CYP3A7: variants seen among roughly 807,000 people sequenced by gnomAD.
CYP3A7 encodes cytochrome P450 3A7.
CYP3A7 carries 45 observed loss-of-function variants against 55.2 expected under a neutral mutation model. The observed-to-expected ratio is 0.82, with a 90% confidence interval of 0.64 to 1.05. The LOEUF is 1.05. Ranked by LOEUF, CYP3A7 falls within the 50% of genes least tolerant of loss-of-function variation. The pLI is 0.00. For synonymous variants in CYP3A7, 180 were observed against 207.4 expected (o/e 0.87, Z 1.13); for missense variants, 548 against 605.3 (o/e 0.91, Z 0.99).
In CYP3A7 at chr7:99,720,393, G is replaced by A. The variant is rs1814152932; in HGVS notation, c.238C>T (p.Pro80Ser). The A allele has an allele frequency of 6.2e-7, 1 of 1,613,576 alleles. No individual in the cohort carries two copies. Residue 80 changes from proline (P) to serine (S), a missense_variant, in exon 4 of 13, where the codon CCT becomes TCT. Coordinates refer to ENST00000336374, the MANE Select transcript of CYP3A7 (RefSeq NM_000765.5). The stretch of plus-strand genomic sequence containing the variant: ...TCGGGATCTGTGATAGCCAGCATAG[G>A]CTGTTGACAGTCATAAATACTGTGT... ...KVWGIYDCQQPMLAITDPDMI... is the reference protein window; with the variant it reads ...KVWGIYDCQQSMLAITDPDMI...
At chr7:99,727,334 A>G (rs960123061) in intron 2 of CYP3A7, among the ~76,000 whole-genome samples, 4 of 152,178 alleles carry the variant, frequency 2.6e-5, no homozygotes, top group African/African-American at 9.7e-5. Context: ...TCAAAATCAC[A>G]AACTATGCTC....
At position 99,709,222 on chromosome 7, in the gene CYP3A7, G is replaced by A. The variant is rs1422202321; in HGVS notation, c.1066C>T (p.Leu356Phe). Residue 356 changes from leucine (L) to phenylalanine (F), a missense_variant, in exon 11 of 13, where the codon CTT (leucine) becomes TTT (phenylalanine). By Grantham distance (22) the Leu-to-Phe change is conservative. Coordinates refer to ENST00000336374, the MANE Select transcript of CYP3A7 (RefSeq NM_000765.5). ...TYDTVLQLEY[L>F]DMVVNETLRL... is the part of the protein sequence containing the mutation. ...AGTGTTTCATTCACCACCATGTCAA[G>A]ATACTCCAACTGTAGCACAGTATCA... The A allele has an allele frequency of 6.2e-7, 1 of 1,613,882 alleles. No individual in the cohort carries two copies. The highest frequency in any genetic ancestry group is 8.5e-7 in the Non-Finnish European group (1 of 1,179,910).
At chr7:99,711,405 A>G (rs1813744249) in intron 9 of CYP3A7, among the ~76,000 whole-genome samples, 1 of 152,202 alleles carries the variant, frequency 6.6e-6, no homozygotes, top group African/African-American at 2.4e-5. Context: ...TAAGAGACCA[A>G]TATTGGAATA....
chr7:99,721,742 CGT>C (rs45490295), intron 3 of CYP3A7, among the ~76,000 whole-genome samples: 11 of 151,346 alleles, frequency 7.3e-5, no homozygotes, highest in Non-Finnish European at 1.5e-4. Context: ...AATTATGACA[CGT>C]GTGTGTGTGT....
Position 99,707,902 on chromosome 7 carries a change from G to A in CYP3A7, c.1326C>T (p.Cys442=), listed in dbSNP as rs1813584469. ...YTPFGSGPRN[C]IGMRFALVNM... ...TCACGAGAGCAAACCTCATGCCAAT[G>A]CAGTTTCTGGGTCCACTTCCAAAGG... Residue 442 remains cysteine, a synonymous_variant, in exon 12 of 13, where the codon TGC becomes TGT. Coordinates refer to ENST00000336374, the MANE Select transcript of CYP3A7 (RefSeq NM_000765.5). 1 of 1,614,034 alleles carries A rather than the reference G, an allele frequency of 6.2e-7. No homozygotes were observed. The highest frequency in any genetic ancestry group is 8.5e-7 in the Non-Finnish European group (1 of 1,179,916).
intron 2 of CYP3A7, among the ~76,000 whole-genome samples, chr7:99,729,557 G>A (rs557776230): frequency 5.9e-5 from 9 of 152,296 alleles, no homozygotes; most frequent in African/African-American, 2.2e-4. Flanking sequence ...ATGGCCTGAG[G>A]CAACTGAAAA....
intron 9 of CYP3A7, among the ~76,000 whole-genome samples, chr7:99,712,343 A>G (rs1336559742): frequency 7.2e-5 from 11 of 152,194 alleles, no homozygotes; most frequent in African/African-American, 2.4e-4. Flanking sequence ...GAACCTGATG[A>G]TACTGATGTG....
At chr7:99,720,579 G>A in intron 3 of CYP3A7, 167 bp from the exon 4 acceptor site, 2 of 694,584 alleles carry the variant, frequency 2.9e-6, no homozygotes, top group Middle Eastern at 2.6e-4. Context: ...GCAAGAGTCT[G>A]ACACAGGAGC....
At chr7:99,722,177 G>T in intron 3 of CYP3A7, 119 bp downstream of exon 3, 1 of 1,253,930 alleles carries the variant, frequency 8.0e-7, no homozygotes, top group Non-Finnish European at 1.1e-6. Flanking sequence ...CTCTCTGTTT[G>T]TAGTTAGGCT....
rs1229715510 is a variant in CYP3A7, at chr7:99,720,364, C to T, written c.267G>A (p.Met89Ile). The change falls in exon 4 of 13, where the codon ATG (methionine) becomes ATA (isoleucine). Residue 89 changes from methionine to isoleucine, a missense_variant. Transcript: ENST00000336374. ...QPMLAITDPDMIKTVLVKECY... is the reference protein window; with the variant it reads ...QPMLAITDPDIIKTVLVKECY... ...ATTCTTTCACTAGCACTGTTTTGAT[C>T]ATGTCGGGATCTGTGATAGCCAGCA... 1 of 1,613,758 alleles carries T rather than the reference C, an allele frequency of 6.2e-7. No homozygotes were observed. Among genetic ancestry groups the T allele is most frequent in the East Asian group, 2.2e-5 (1 of 44,866 alleles).
chr7:99,734,525 CTTT>C (rs1814754147), intron 1 of CYP3A7, among the ~76,000 whole-genome samples: 2 of 152,108 alleles, frequency 1.3e-5, no homozygotes, highest in African/African-American at 4.8e-5. Flanking sequence ...TTATTTATTC[CTTT>C]ATAGATCTGC....
At chr7:99,727,126 T>C (rs1814441120) in intron 2 of CYP3A7, among the ~76,000 whole-genome samples, 1 of 152,204 alleles carries the variant, frequency 6.6e-6, no homozygotes, top group African/African-American at 2.4e-5. Flanking sequence ...GCTGTTCCCA[T>C]ACTAGCTCTT....
intron 2 of CYP3A7, among the ~76,000 whole-genome samples, chr7:99,729,998 C>G (rs1235966511): frequency 1.3e-5 from 2 of 152,158 alleles, no homozygotes; most frequent in Non-Finnish European, 2.9e-5. Flanking sequence ...AATTAGACAA[C>G]AAAGCCCTCA....
At chr7:99,711,017 T>G in intron 9 of CYP3A7, 125 bp from the exon 10 acceptor site, 1 of 1,499,148 alleles carries the variant, frequency 6.7e-7, no homozygotes, top group Non-Finnish European at 9.0e-7. Context: ...CAATTCAGAG[T>G]CTCACTGGGG....
intron 8 of CYP3A7, 150 bp downstream of exon 8, chr7:99,714,405 C>A (rs1813860415): frequency 3.0e-6 from 4 of 1,315,906 alleles, no homozygotes; most frequent in Non-Finnish European, 3.0e-6. Context: ...TTCTGCATTC[C>A]TACCAAATGA....
chr7:99,732,157 T>G (rs1814651625), intron 1 of CYP3A7, among the ~76,000 whole-genome samples: 1 of 152,196 alleles, frequency 6.6e-6, no homozygotes, highest in South Asian at 2.1e-4. Flanking sequence ...TGCTGTCCTC[T>G]TGACAATGAG....
intron 2 of CYP3A7, among the ~76,000 whole-genome samples, chr7:99,728,783 A>C (rs750720553): frequency 6.6e-6 from 1 of 152,034 alleles, no homozygotes; most frequent in African/African-American, 2.4e-5. Context: ...TGCTTCCACT[A>C]TTGCCCTTGG....
rs115878413 is a variant in CYP3A7, at chr7:99,733,669, G to A, written c.71+1354C>T. 3.2e-3 allele frequency among the ~76,000 whole-genome samples: 487 copies of A among 152,248 alleles called. 1 individual carries two copies. Among genetic ancestry groups the A allele is most frequent in the African/African-American group, 0.011 (475 of 41,552 alleles). On this transcript the variant is annotated intron_variant, in intron 1 of 12. Transcript: ENST00000336374. ...AAGCAGATGAGATGCCAACATGTTT[G>A]TCCTTCAAGTGACCTCCACTAGGGG...
intron 11 of CYP3A7, 148 bp downstream of exon 11, chr7:99,708,887 A>G (rs1465723752): frequency 1.1e-6 from 1 of 946,178 alleles, no homozygotes; most frequent in Non-Finnish European, 1.6e-6. Flanking sequence ...GTAAAGTGTG[A>G]CAATGATCAA....
Sources: gnomAD v4.1 joint callset for allele counts (sites outside exome capture counted in the v4.1 genomes callset) on GRCh38, gnomAD v4.1.1 for gene constraint, MANE v1.5 for transcripts, NCBI Gene and HGNC (gene_info 2026-07-23, HGNC 2026-07-21) for gene names.